ASAP1: variants seen among roughly 807,000 people sequenced by gnomAD.
ASAP1 encodes arf-GAP with SH3 domain, ANK repeat and PH domain-containing protein 1.
ASAP1 carries 43 observed loss-of-function variants against 145.2 expected under a neutral mutation model. That is an observed-to-expected ratio of 0.30 (90% confidence interval 0.23 to 0.38). The LOEUF (loss-of-function observed/expected upper bound fraction) is 0.38. ASAP1 is among the 10% of genes least tolerant of loss of function. ASAP1 has a pLI of 1.00. For missense variants in ASAP1, 1,018 were observed against 1,355.3 expected (o/e 0.75, Z 3.91); for synonymous variants, 546 against 515.5 (o/e 1.06, Z -0.80).
chr8:130,296,414 C>A (rs1288707563), intron 3 of ASAP1, among the ~76,000 whole-genome samples: 1 of 152,148 alleles, frequency 6.6e-6, no homozygotes, highest in African/African-American at 2.4e-5. Context: ...CAGCAAGCAC[C>A]CTGATGTCAT....
At chr8:130,233,805 C>T (rs576514084) in intron 4 of ASAP1, among the ~76,000 whole-genome samples, 1 of 152,150 alleles carries the variant, frequency 6.6e-6, no homozygotes, top group Non-Finnish European at 1.5e-5. Context: ...ACACCCAGAA[C>T]AGGAGAATAT....
chr8:130,137,778 CTAGA>C (rs1251767111), intron 13 of ASAP1, among the ~76,000 whole-genome samples: 5 of 152,118 alleles, frequency 3.3e-5, no homozygotes, highest in Non-Finnish European at 5.9e-5. Context: ...CCTATAGTAT[CTAGA>C]TAGTCACGCT....
chr8:130,266,796 CGATAGACA>C (rs1565153181), intron 3 of ASAP1, among the ~76,000 whole-genome samples: 1 of 151,634 alleles, frequency 6.6e-6, no homozygotes, highest in African/African-American at 2.4e-5. Context: ...ACACTATGAA[CGATAGACA>C]GATATAAATA....
At chr8:130,127,617 A>G (rs565344807) in intron 16 of ASAP1, among the ~76,000 whole-genome samples, 1 of 152,204 alleles carries the variant, frequency 6.6e-6, no homozygotes, top group Admixed American at 6.5e-5. Flanking sequence ...GTGGACAGTG[A>G]TACAAAATGT....
At chr8:130,339,363 GAACA>G (rs1825234009) in intron 3 of ASAP1, among the ~76,000 whole-genome samples, 1 of 152,184 alleles carries the variant, frequency 6.6e-6, no homozygotes, top group Non-Finnish European at 1.5e-5. Flanking sequence ...TGGAAGAGGT[GAACA>G]AACAGTTTAG....
chr8:130,165,390 A>G (rs1449230405), intron 11 of ASAP1, among the ~76,000 whole-genome samples: 1 of 152,204 alleles, frequency 6.6e-6, no homozygotes, highest in Admixed American at 6.5e-5. Flanking sequence ...CAAGACTGAA[A>G]TCTACCACCC....
At chr8:130,327,787 T>A (rs145168589) in intron 3 of ASAP1, among the ~76,000 whole-genome samples, 3 of 152,318 alleles carry the variant, frequency 2.0e-5, no homozygotes, top group Non-Finnish European at 4.4e-5. Context: ...GTTACAGGAC[T>A]TCCTTTTGCA....
chr8:130,197,376 C>G (rs1293379019), intron 5 of ASAP1, among the ~76,000 whole-genome samples: 4 of 152,210 alleles, frequency 2.6e-5, no homozygotes, highest in Non-Finnish European at 5.9e-5. Context: ...CTGCAGTGAG[C>G]TGAGATCATG....
chr8:130,174,430 T>C (rs373683173), intron 9 of ASAP1, among the ~76,000 whole-genome samples: 2 of 152,282 alleles, frequency 1.3e-5, no homozygotes, highest in South Asian at 2.1e-4. Context: ...TACTGTAACA[T>C]AACAAGATCT....
intron 18 of ASAP1, among the ~76,000 whole-genome samples, chr8:130,119,464 G>C (rs116501070): frequency 3.9e-5 from 6 of 152,156 alleles, no homozygotes; most frequent in African/African-American, 1.4e-4. Context: ...CTTTACTTCC[G>C]TTCAAGTGTT....
rs1818260894 is a variant in ASAP1, at chr8:130,237,092, A to G, written c.187-98T>C. 1.1e-5 allele frequency: 9 copies of G among 852,412 alleles called. No individual in the cohort carries two copies. The South Asian group carries it at 1.4e-4, about 13-fold the overall frequency. The allele number at this position is 852,412 out of a possible 1,614,324, so 52.8% of individuals were successfully genotyped here. A position where few individuals can be genotyped will look rare whatever the true frequency, so the allele number is the denominator to read the frequency against. On this transcript the variant is annotated intron_variant, in intron 3 of 29. Transcript: ENST00000518721. Reference sequence around the variant, plus strand: ...TGTAATTGCATTTGTTTTCCTGAGTACCAAAGCAACAGCAAACTGACATAT... The same window carrying G: ...TGTAATTGCATTTGTTTTCCTGAGTGCCAAAGCAACAGCAAACTGACATAT...
chr8:130,290,342 A>C (rs1302468888), intron 3 of ASAP1, among the ~76,000 whole-genome samples: 2 of 152,230 alleles, frequency 1.3e-5, no homozygotes, highest in African/African-American at 4.8e-5. Flanking sequence ...AGCAAGGCCT[A>C]CAACAGTAGC....
chr8:130,181,690 G>C (rs946735457), intron 7 of ASAP1, among the ~76,000 whole-genome samples: 4 of 152,176 alleles, frequency 2.6e-5, no homozygotes, highest in African/African-American at 9.7e-5. Flanking sequence ...GGGGAAACGA[G>C]GTGATAAAGA....
intron 1 of ASAP1, among the ~76,000 whole-genome samples, chr8:130,435,717 A>G (rs1830289455): frequency 6.6e-6 from 1 of 152,214 alleles, no homozygotes; most frequent in Admixed American, 6.5e-5. Flanking sequence ...TCAAAATCTA[A>G]ATGATTTGAT....
At chr8:130,102,303 T>C (rs1426079796) in intron 24 of ASAP1, among the ~76,000 whole-genome samples, 2 of 152,254 alleles carry the variant, frequency 1.3e-5, no homozygotes, top group African/African-American at 4.8e-5. Context: ...GTTTTTATTA[T>C]GAATGGATGT....
intron 3 of ASAP1, among the ~76,000 whole-genome samples, chr8:130,336,673 AG>A (rs1825056104): frequency 6.6e-6 from 1 of 152,220 alleles, no homozygotes; most frequent in African/African-American, 2.4e-5. Flanking sequence ...ACAATCTGAG[AG>A]GAGCATGGTA....
At position 130,058,003 on chromosome 8, in the gene ASAP1, A is replaced by G; in HGVS notation, c.3266T>C (p.Ile1089Thr). Residue 1089 changes from isoleucine to threonine, a missense_variant, in exon 29 of 30, where the codon ATC becomes ACC. By Grantham distance (89) the Ile-to-Thr change is moderately conservative (BLOSUM62 -1). Around this residue, in one of 9 missense-constraint regions of ASAP1, gnomAD observed 62 missense variants for 97.8 expected, o/e 0.63. Coordinates refer to ENST00000518721, the MANE Select transcript of ASAP1 (RefSeq NM_018482.4). ...TGTGACGATAATCACTTCTCCCTCG[A>G]TGAATGTGAGCTCGTCATCGTTGTC... ...QADNDDELTF[I>T]EGEVIIVTGE... 5.0e-6 allele frequency: 8 copies of G among 1,614,216 alleles called. No individual in the cohort carries two copies. The highest frequency in any genetic ancestry group is 6.8e-6 in the Non-Finnish European group (8 of 1,180,038).
At chr8:130,160,002 G>A (rs2097665802) in intron 11 of ASAP1, 38 bp from the exon 12 acceptor site, 2 of 1,535,728 alleles carry the variant, frequency 1.3e-6, no homozygotes, top group Non-Finnish European at 1.8e-6. Flanking sequence ...AAAAACTAGA[G>A]ACAATTCTCC....
chr8:130,418,233 C>T (rs900682545), intron 1 of ASAP1, among the ~76,000 whole-genome samples: 3 of 152,216 alleles, frequency 2.0e-5, no homozygotes, highest in African/African-American at 7.2e-5. Context: ...TTATAATTCA[C>T]ATACAATTAA....
Sources: allele counts gnomAD v4.1 joint callset (sites outside exome capture counted in the v4.1 genomes callset), GRCh38; gene constraint gnomAD v4.1.1; regional missense constraint gnomAD v4.1.1; transcripts MANE v1.5; gene names NCBI Gene and HGNC (gene_info 2026-07-23, HGNC 2026-07-21).